GATA4: variants seen among roughly 807,000 people sequenced by gnomAD.
The protein encoded by GATA4 is transcription factor GATA-4.
GATA4 carries 7 observed loss-of-function variants against 37.9 expected under a neutral mutation model. The ratio of observed to expected loss-of-function variants is 0.18; its 90% CI spans 0.11 to 0.35. GATA4 has a LOEUF of 0.35. GATA4 is among the 10% of genes least tolerant of loss of function. The probability of loss-of-function intolerance (pLI) is 1.00; values close to 1 mark genes in which losing one functional copy is unlikely to be tolerated. For synonymous variants in GATA4, 372 were observed against 292.6 expected (o/e 1.27, Z -2.77); for missense variants, 647 against 653.0 (o/e 0.99, Z 0.10).
chr8:11,680,535 G>A (rs910781304), intron 1 of GATA4: 7 of 985,324 alleles, frequency 7.1e-6, no homozygotes, highest in East Asian at 1.1e-4. Context: ...CGGGTGTCGC[G>A]CCGACGTCCT....
At chr8:11,725,391 C>T (rs958058926) in intron 2 of GATA4, among the ~76,000 whole-genome samples, 17 of 152,226 alleles carry the variant, frequency 1.1e-4, no homozygotes, top group Admixed American at 2.0e-4. Context: ...CCGTGCATCA[C>T]GCAAGGGCTG....
At chr8:11,721,346 C>T (rs1585624291) in intron 2 of GATA4, among the ~76,000 whole-genome samples, 2 of 148,550 alleles carry the variant, frequency 1.3e-5, no homozygotes, top group East Asian at 2.0e-4. Context: ...GGGCGCGAGG[C>T]AGGAATGCAA....
Position 11,698,429 on chromosome 8 carries a change from T to A in GATA4, c.-728-2079T>A, listed in dbSNP as rs1372356846. Among the ~76,000 whole-genome samples, 8 of 152,180 alleles carry A rather than the reference T, an allele frequency of 5.3e-5. No homozygotes were observed. In the South Asian group the frequency reaches 1.4e-3, roughly 28 times the overall value. On this transcript the variant is annotated intron_variant, in intron 1 of 2. Transcript: ENST00000526974. Reference sequence around the variant, plus strand: ...ATGAGTGGGTGAGTGAGTGAATGCATGAGTGAATGAATCCCCATCTCTCCC... The same window carrying A: ...ATGAGTGGGTGAGTGAGTGAATGCAAGAGTGAATGAATCCCCATCTCTCCC...
chr8:11,744,522 G>A (rs1024728292), intron 2 of GATA4, among the ~76,000 whole-genome samples: 2 of 152,184 alleles, frequency 1.3e-5, no homozygotes, highest in African/African-American at 2.4e-5. Flanking sequence ...AGTGCCTTTC[G>A]TAGGAAGGAA....
intron 2 of GATA4, among the ~76,000 whole-genome samples, chr8:11,716,837 G>A (rs1488074078): frequency 6.6e-6 from 1 of 152,242 alleles, no homozygotes. Flanking sequence ...CAATTTAGTT[G>A]TACTGAATTT....
intron 2 of GATA4, among the ~76,000 whole-genome samples, chr8:11,727,980 A>G (rs1163157351): frequency 6.6e-6 from 1 of 152,206 alleles, no homozygotes; most frequent in Non-Finnish European, 1.5e-5. Flanking sequence ...TATAAATGTT[A>G]GTCTGCATTT....
chr8:11,720,702 A>G (rs1283175702), intron 2 of GATA4, among the ~76,000 whole-genome samples: 1 of 152,000 alleles, frequency 6.6e-6, no homozygotes, highest in South Asian at 2.1e-4. Flanking sequence ...ACATGCGGTT[A>G]GTTTCCTTTC....
At position 11,692,735 on chromosome 8, in the gene GATA4, G is replaced by A. The variant is rs571339217; in HGVS notation, c.-729+75G>A. 53 of 984,234 alleles carry A rather than the reference G, an allele frequency of 5.4e-5. 1 individual carries two copies. In the South Asian group the frequency reaches 2.3e-3, roughly 43 times the overall value. The allele number at this position is 984,234 out of a possible 1,614,324, so 61.0% of individuals were successfully genotyped here. A position where few individuals can be genotyped will look rare whatever the true frequency, so the allele number is the denominator to read the frequency against. On this transcript the variant is annotated intron_variant, in intron 1 of 2. Coordinates refer to the GATA4 transcript ENST00000526974. ...GGCTGGGAGGGAGAGCAGGCGCCGG[G>A]ACCCACGCGAGGGCGCGGACGGACG... is the stretch of plus-strand genomic sequence containing the variant.
rs1037434174 is a variant in GATA4, at chr8:11,682,729, A to G, written c.-274+5666A>G. ...ATGTCTCCTCTGCAATGATTGCAGA[A>G]CAACAAAAATTTGGAAAGTTACTAT... On this transcript the variant is annotated intron_variant, in intron 1 of 6. Transcript: ENST00000528712. 2.6e-5 allele frequency among the ~76,000 whole-genome samples: 4 copies of G among 152,250 alleles called. No homozygotes were observed. In the East Asian group the frequency reaches 5.8e-4, roughly 22 times the overall value.
chr8:11,680,534 C>T (rs1798925038), intron 1 of GATA4: 1 of 985,476 alleles, frequency 1.0e-6, no homozygotes, highest in South Asian at 4.7e-5. Flanking sequence ...ACGGGTGTCG[C>T]GCCGACGTCC....
chr8:11,678,801 T>G (rs1408283525), intron 1 of GATA4, among the ~76,000 whole-genome samples: 1 of 152,214 alleles, frequency 6.6e-6, no homozygotes, highest in Non-Finnish European at 1.5e-5. Context: ...AGTGACATAA[T>G]CATTGCCACA....
In GATA4 at chr8:11,742,634, G is replaced by A. The variant is rs577423859; in HGVS notation, c.617-6282G>A. On this transcript the variant is annotated intron_variant, in intron 2 of 6. Transcript: ENST00000532059. ...TTCCAAAATAGGTGATTTCATCCCC[G>A]GCCGGAGCGCCGCTGGAGCTGTGTG... 3.3e-5 allele frequency among the ~76,000 whole-genome samples: 5 copies of A among 152,282 alleles called. No homozygotes were observed. The South Asian group carries it at 8.3e-4, about 25-fold the overall frequency.
At chr8:11,698,681 G>T (rs1799578978) in intron 1 of GATA4, among the ~76,000 whole-genome samples, 1 of 152,172 alleles carries the variant, frequency 6.6e-6, no homozygotes, top group South Asian at 2.1e-4. Context: ...CATCCCCGGA[G>T]GCCCGGGGAC....
intron 1 of GATA4, among the ~76,000 whole-genome samples, chr8:11,678,379 G>T (rs1226427718): frequency 1.3e-5 from 2 of 152,142 alleles, no homozygotes; most frequent in African/African-American, 4.8e-5. Flanking sequence ...CCGGCTTCCA[G>T]GGGGTGATTT....
intron 1 of GATA4, among the ~76,000 whole-genome samples, chr8:11,678,458 C>T (rs1401257594): frequency 6.6e-6 from 1 of 152,204 alleles, no homozygotes; most frequent in Non-Finnish European, 1.5e-5. Context: ...CTCTGGCTTG[C>T]TTACCCTTGC....
intron 2 of GATA4, among the ~76,000 whole-genome samples, chr8:11,720,208 G>C (rs781170115): frequency 4.6e-5 from 7 of 151,850 alleles, no homozygotes; most frequent in Non-Finnish European, 8.8e-5. Flanking sequence ...GAGAAGGACT[G>C]CTCTACCGCC....
chr8:11,724,268 T>C (rs755679150), intron 2 of GATA4, among the ~76,000 whole-genome samples: 4 of 152,226 alleles, frequency 2.6e-5, no homozygotes, highest in African/African-American at 4.8e-5. Context: ...AATGCCGCCA[T>C]TTTTACATGG....
intron 2 of GATA4, among the ~76,000 whole-genome samples, chr8:11,718,659 C>T (rs1374799526): frequency 6.6e-6 from 1 of 152,194 alleles, no homozygotes; most frequent in Non-Finnish European, 1.5e-5. Context: ...TTTTGGGATC[C>T]CCTAATCGCA....
chr8:11,683,552 T>C (rs1799045624), intron 1 of GATA4, among the ~76,000 whole-genome samples: 1 of 152,074 alleles, frequency 6.6e-6, no homozygotes, highest in Admixed American at 6.6e-5. Context: ...ACTAAATCCA[T>C]CCCCCCATTC....
Sources: gnomAD v4.1 joint callset for allele counts (sites outside exome capture counted in the v4.1 genomes callset) on GRCh38, gnomAD v4.1.1 for gene constraint, MANE v1.5 for transcripts, NCBI Gene and HGNC (gene_info 2026-07-23, HGNC 2026-07-21) for gene names.